The following NPY5R variants were observed in gnomAD, a reference collection of about 807,000 sequenced individuals.
The protein encoded by NPY5R is neuropeptide Y receptor type 5.
A neutral mutation model predicts 24.8 loss-of-function variants in NPY5R; 21 were observed. The observed-to-expected ratio is 0.85, with a 90% CI of 0.60 to 1.22. The LOEUF (loss-of-function observed/expected upper bound fraction) is 1.22, where lower values mean the gene tolerates loss of function less well. Ranked by LOEUF, NPY5R falls within the 50% of genes most tolerant of loss-of-function variation. The probability of loss-of-function intolerance (pLI) is 0.00; values close to 1 mark genes in which losing one functional copy is unlikely to be tolerated. For missense variants in NPY5R, 481 were observed against 521.3 expected (o/e 0.92, Z 0.75); for synonymous variants, 175 against 183.0 (o/e 0.96, Z 0.35).
chr4:163,347,825 G>C lies in NPY5R; in HGVS notation c.-10+303G>C, dbSNP rs190136328. 3.0e-3 allele frequency among the ~76,000 whole-genome samples: 450 copies of C among 152,306 alleles called. 1 individual carries two copies. The highest frequency in any genetic ancestry group is 3.4e-3 in the Non-Finnish European group (228 of 68,016). On this transcript the variant is annotated intron_variant, in intron 3 of 3. Transcript: ENST00000338566. ...CAATATCAATGTAAATTGTTGGCTA[G>C]GGTCTAAGAATGAATGAATACAATC...
Position 163,350,815 on chromosome 4 carries a change from T to A in NPY5R, c.542T>A (p.Val181Glu). ...CCCCTTCCAGTGTTTCACAGTCTTG[T>A]GGAACTTCAAGAAACATTTGGTTCA... The part of the protein sequence containing the change: ...CSPLPVFHSL[V>E]ELQETFGSAL... The change falls in exon 4 of 4, where the codon GTG (valine) becomes GAG (glutamate). Residue 181 changes from valine to glutamate, a missense_variant. Transcript: ENST00000338566. The A allele has an allele frequency of 6.2e-7, 1 of 1,614,182 alleles. No individual in the cohort carries two copies. Among genetic ancestry groups the A allele is most frequent in the South Asian group, 1.1e-5 (1 of 91,082 alleles).
rs75809704 is a variant in NPY5R at position 163,351,645 on chromosome 4, G to T, written c.*34G>T. The T allele has an allele frequency of 3.5e-6, 5 of 1,440,620 alleles. No individual in the cohort carries two copies. The highest frequency in any genetic ancestry group is 2.3e-4 in the Middle Eastern group (1 of 4,372). 89.2% of individuals were successfully genotyped at this position (1,440,620 alleles called of 1,614,324 possible). On this transcript the variant is annotated 3_prime_UTR_variant, in exon 4 of 4. Coordinates refer to ENST00000338566, the MANE Select transcript of NPY5R (RefSeq NM_006174.4). The stretch of plus-strand genomic sequence containing the variant: ...ACTGTTTACCAAGGAAAGAACAAAT[G>T]CTGGGGTCATATAAAATATATTTAT...
At position 163,351,360 on chromosome 4, in the gene NPY5R, T is replaced by A. The variant is rs1252854319; in HGVS notation, c.1087T>A (p.Ser363Thr). Residue 363 changes from serine (S) to threonine (T), a missense_variant, in exon 4 of 4, where the codon TCT becomes ACT. Ser to Thr is a moderately conservative substitution (Grantham distance 58). Coordinates refer to ENST00000338566, the MANE Select transcript of NPY5R (RefSeq NM_006174.4). ...KRSVTRIKKRSRSVFYRLTIL... is the reference protein window; with the variant it reads ...KRSVTRIKKRTRSVFYRLTIL... Reference sequence around the variant, plus strand: ...TTCTGTTACAAGAATAAAAAAGAGATCTCGAAGTGTTTTCTACAGACTGAC... The same window carrying A: ...TTCTGTTACAAGAATAAAAAAGAGAACTCGAAGTGTTTTCTACAGACTGAC... 1.2e-6 allele frequency: 2 copies of A among 1,613,680 alleles called. No individual in the cohort carries two copies. The highest frequency in any genetic ancestry group is 2.2e-5 in the South Asian group (2 of 91,070).
Position 163,350,921 on chromosome 4 carries a change from G to C in NPY5R, c.648G>C (p.Leu216Phe), listed in dbSNP as rs1481765650. 3.1e-6 allele frequency: 5 copies of C among 1,613,832 alleles called. No homozygotes were observed. The highest frequency in any genetic ancestry group is 3.4e-6 in the Non-Finnish European group (4 of 1,180,006). The change falls in exon 4 of 4, where the codon TTG becomes TTC. Residue 216 changes from leucine to phenylalanine, a missense_variant. Physicochemically the swap from Leu to Phe is conservative, Grantham distance 22. Coordinates refer to ENST00000338566, the MANE Select transcript of NPY5R (RefSeq NM_006174.4). ...SYRIAFTISL[L>F]LVQYILPLVC... ...GAATTGCCTTTACTATCTCTTTATT[G>C]CTAGTTCAGTATATTCTGCCCTTAG...
At position 163,351,593 on chromosome 4, in the gene NPY5R, A is replaced by G. The variant is rs775048398; in HGVS notation, c.1320A>G (p.Ile440Met). The G allele has an allele frequency of 6.2e-6, 10 of 1,605,692 alleles. No homozygotes were observed. Among genetic ancestry groups the G allele is most frequent in the Non-Finnish European group, 8.5e-6 (10 of 1,172,934 alleles). ...NGIKADLVSL[I>M]HCLHM ...TTAAAGCTGATTTAGTGTCCCTTAT[A>G]CACTGTCTTCATATGTAATAATTCT... The change falls in exon 4 of 4, where the codon ATA becomes ATG. Residue 440 changes from isoleucine to methionine, a missense_variant. Physicochemically the swap from Ile to Met is conservative, Grantham distance 10. Coordinates refer to ENST00000338566, the MANE Select transcript of NPY5R (RefSeq NM_006174.4).
At chr4:163,351,986 T>C, downstream of NPY5R, 1 of 166,986 alleles carries the variant, frequency 6.0e-6, no homozygotes. Flanking sequence ...CTCGAGGAAC[T>C]TTTAATTTCA....
At chr4:163,348,154 T>C (rs1169297659) in intron 3 of NPY5R, among the ~76,000 whole-genome samples, 1 of 152,208 alleles carries the variant, frequency 6.6e-6, no homozygotes, top group African/African-American at 2.4e-5. Flanking sequence ...TGTATTTTTA[T>C]AGTTTTAGTA....
intron 3 of NPY5R, chr4:163,349,221 C>T (rs913887637): frequency 3.7e-5 from 10 of 271,008 alleles, no homozygotes; most frequent in African/African-American, 4.6e-5. Context: ...GAACATTGTA[C>T]GAACTAGGTG....
At chr4:163,349,880 G>A (rs1454378598) in intron 3 of NPY5R, among the ~76,000 whole-genome samples, 2 of 152,148 alleles carry the variant, frequency 1.3e-5, no homozygotes, top group African/African-American at 4.8e-5. Flanking sequence ...ACTTTGGGAG[G>A]CCGAGGCGGG....
chr4:163,351,393 ATAT>A lies in NPY5R; in HGVS notation c.1123_1125del (p.Leu375del). The stretch of plus-strand genomic sequence containing the variant: ...TGTTTTCTACAGACTGACCATACTG[ATAT>A]TAGTATTTGCTGTTAGTTGGATGCC... On this transcript the variant is annotated inframe_deletion, in exon 4 of 4. Transcript: ENST00000338566. 6.2e-7 allele frequency: 1 copy of A among 1,612,702 alleles called. No homozygotes were observed. The highest frequency in any genetic ancestry group is 8.5e-7 in the Non-Finnish European group (1 of 1,178,792).
At chr4:163,350,225 T>A (rs1735427605) in intron 3 of NPY5R, 40 bp from the exon 4 acceptor site, 3 of 1,468,346 alleles carry the variant, frequency 2.0e-6, no homozygotes, top group Admixed American at 2.3e-5. Flanking sequence ...TCATGTAATG[T>A]TTTTTTGGTT....
chr4:163,351,097 A>G lies in NPY5R; in HGVS notation c.824A>G (p.His275Arg), dbSNP rs767742585. The G allele has an allele frequency of 2.2e-5, 35 of 1,614,188 alleles. No homozygotes were observed. The highest frequency in any genetic ancestry group is 3.0e-5 in the Non-Finnish European group (35 of 1,180,024). ...SGPQVKLSGSHKWSYSFIKKH... is the reference protein window; with the variant it reads ...SGPQVKLSGSRKWSYSFIKKH... ...CCTCAGGTGAAACTCTCTGGCAGCC[A>G]TAAATGGAGTTATTCATTCATCAAA... Residue 275 changes from histidine (H) to arginine (R), a missense_variant, in exon 4 of 4, where the codon CAT becomes CGT. His to Arg is a conservative substitution (Grantham distance 29). Transcript: ENST00000338566.
intron 2 of NPY5R, 87 bp from the exon 3 acceptor site, chr4:163,347,361 CTAAG>C (rs938470255): frequency 2.0e-5 from 3 of 152,156 alleles, no homozygotes; most frequent in East Asian, 1.9e-4. Context: ...CAATTTTACA[CTAAG>C]TAAGTATCAT....
Position 163,351,138 on chromosome 4 carries a change from T to C in NPY5R, c.865T>C (p.Tyr289His), listed in dbSNP as rs764763745. The C allele has an allele frequency of 8.6e-5, 139 of 1,613,952 alleles. No homozygotes were observed. The highest frequency in any genetic ancestry group is 1.1e-4 in the Non-Finnish European group (134 of 1,179,982). Residue 289 changes from tyrosine to histidine, a missense_variant, in exon 4 of 4, where the codon TAT becomes CAT. Coordinates refer to ENST00000338566, the MANE Select transcript of NPY5R (RefSeq NM_006174.4). ...ATTCATCAAAAAACACAGAAGAAGA[T>C]ATAGCAAGAAGACAGCATGTGTGTT... Reference protein sequence around the residue: ...YSFIKKHRRRYSKKTACVLPA... With the variant: ...YSFIKKHRRRHSKKTACVLPA...
In NPY5R at chr4:163,351,381, C is replaced by G; in HGVS notation, c.1108C>G (p.Leu370Val). The G allele has an allele frequency of 6.2e-7, 1 of 1,612,812 alleles. No homozygotes were observed. The highest frequency in any genetic ancestry group is 1.1e-5 in the South Asian group (1 of 91,062). Residue 370 changes from leucine (L) to valine (V), a missense_variant, in exon 4 of 4, where the codon CTG (leucine) becomes GTG (valine). Physicochemically the swap from Leu to Val is conservative, Grantham distance 32. Transcript: ENST00000338566. ...KKRSRSVFYR[L>V]TILILVFAVS... is the part of the protein sequence containing the mutation. ...GAGATCTCGAAGTGTTTTCTACAGA[C>G]TGACCATACTGATATTAGTATTTGC...
At chr4:163,352,149 A>C (rs1012623822), downstream of NPY5R, among the ~76,000 whole-genome samples, 1 of 152,168 alleles carries the variant, frequency 6.6e-6, no homozygotes, top group African/African-American at 2.4e-5. Context: ...AATCTTCAAC[A>C]TTAAGTACAG....
At chr4:163,345,390 C>A (rs1464103881) in intron 1 of NPY5R, 2 of 152,044 alleles carry the variant, frequency 1.3e-5, no homozygotes, top group African/African-American at 4.8e-5. Context: ...TAATAAAGAA[C>A]TTTTATTTTT....
In NPY5R at chr4:163,350,512, T is replaced by C. The variant is rs767751082; in HGVS notation, c.239T>C (p.Ile80Thr). The C allele has an allele frequency of 6.2e-7, 1 of 1,614,238 alleles. No homozygotes were observed. The highest frequency in any genetic ancestry group is 1.3e-5 in the African/African-American group (1 of 75,062). ...RNQKTTVNFL[I>T]GNLAFSDILV... ...CAGAAGACTACGGTAAACTTCCTCATAGGCAATCTGGCCTTTTCTGATATC... is the reference window on the plus strand; with the variant it reads ...CAGAAGACTACGGTAAACTTCCTCACAGGCAATCTGGCCTTTTCTGATATC... The change falls in exon 4 of 4, where the codon ATA (isoleucine) becomes ACA (threonine). Residue 80 changes from isoleucine to threonine, a missense_variant. By Grantham distance (89) the Ile-to-Thr change is moderately conservative. Coordinates refer to ENST00000338566, the MANE Select transcript of NPY5R (RefSeq NM_006174.4).
At chr4:163,350,004 T>C in intron 3 of NPY5R, among the ~76,000 whole-genome samples, 1 of 147,568 alleles carries the variant, frequency 6.8e-6, no homozygotes, top group African/African-American at 2.5e-5. Context: ...CTCGGGAGGC[T>C]GAGGCAGGAG....
Sources: gnomAD v4.1 joint callset for allele counts (sites outside exome capture counted in the v4.1 genomes callset) on GRCh38, gnomAD v4.1.1 for gene constraint, MANE v1.5 for transcripts, NCBI Gene and HGNC (gene_info 2026-07-23, HGNC 2026-07-21) for gene names.